DCC: variants seen among roughly 807,000 people sequenced by gnomAD.
The protein encoded by DCC is netrin receptor DCC.
A neutral mutation model predicts 172.5 loss-of-function variants in DCC; 58 were observed. The ratio of observed to expected loss-of-function variants is 0.34; its 90% CI spans 0.27 to 0.42. DCC has a LOEUF of 0.42. Ranked by LOEUF, DCC falls within the 10% of genes least tolerant of loss-of-function variation. The pLI is 1.00. For synonymous variants in DCC, 709 were observed against 644.5 expected (o/e 1.10, Z -1.52); for missense variants, 1,740 against 1,791.0 (o/e 0.97, Z 0.51).
chr18:53,106,462 C>CCTGTTCAG (rs2043249478), intron 7 of DCC, among the ~76,000 whole-genome samples: 2 of 151,950 alleles, frequency 1.3e-5, no homozygotes, highest in African/African-American at 4.8e-5. Context: ...AACTCAAGAA[C>CCTGTTCAG]CTGTTCAGCG....
chr18:52,837,567 C>G (rs569876956), intron 2 of DCC, among the ~76,000 whole-genome samples: 4 of 152,260 alleles, frequency 2.6e-5, no homozygotes, highest in African/African-American at 9.6e-5. Flanking sequence ...TCTGAGATCA[C>G]CTCAGCTTGG....
intron 9 of DCC, 92 bp downstream of exon 9, chr18:53,179,208 C>A: frequency 7.6e-7 from 1 of 1,307,816 alleles, no homozygotes; most frequent in Non-Finnish European, 1.1e-6. Context: ...TGCGAAGTGA[C>A]AAAAGCGAAG....
chr18:52,657,867 A>AT (rs2035283948), intron 1 of DCC, among the ~76,000 whole-genome samples: 1 of 152,184 alleles, frequency 6.6e-6, no homozygotes, highest in South Asian at 2.1e-4. Context: ...AATCCTCTAC[A>AT]TATCACTTAA....
intron 26 of DCC, among the ~76,000 whole-genome samples, chr18:53,496,679 T>TTCTAACCCAATGCAAGGAAGC (rs1056461325): frequency 1.3e-5 from 2 of 152,222 alleles, no homozygotes; most frequent in African/African-American, 4.8e-5. Flanking sequence ...AAGGAGCATG[T>TTCTAACCCAATGCAAGGAAGC]TCTAACCCAA....
intron 1 of DCC, among the ~76,000 whole-genome samples, chr18:52,497,247 T>G (rs1598864786): frequency 1.0e-5 from 1 of 99,730 alleles, no homozygotes; most frequent in East Asian, 2.8e-4. Context: ...GGTAACAGAG[T>G]GAGACCCTGT....
At chr18:53,168,823 C>A (rs1483807229) in intron 8 of DCC, among the ~76,000 whole-genome samples, 1 of 151,774 alleles carries the variant, frequency 6.6e-6, no homozygotes, top group African/African-American at 2.4e-5. Context: ...GATGACTGTG[C>A]AAAGCTTTGG....
rs550366167 is a variant in DCC, at chr18:52,707,501, T to A, written c.92-44553T>A. Among the ~76,000 whole-genome samples the A allele has an allele frequency of 3.1e-3, 477 of 152,294 alleles. 1 individual carries two copies. Among genetic ancestry groups the A allele is most frequent in the Non-Finnish European group, 5.0e-3 (343 of 68,022 alleles). Reference sequence around the variant, plus strand: ...TCATATGATCCAACAATCTCACTACTGTGTATGTATCTTATATATCTAAAA... The same window carrying A: ...TCATATGATCCAACAATCTCACTACAGTGTATGTATCTTATATATCTAAAA... On this transcript the variant is annotated intron_variant, in intron 1 of 28. Coordinates refer to ENST00000442544, the MANE Select transcript of DCC (RefSeq NM_005215.4).
intron 12 of DCC, among the ~76,000 whole-genome samples, chr18:53,278,633 T>G (rs2056833573): frequency 6.6e-6 from 1 of 152,196 alleles, no homozygotes; most frequent in South Asian, 2.1e-4. Flanking sequence ...TTGATGTGAC[T>G]TGATAATTTC....
intron 27 of DCC, among the ~76,000 whole-genome samples, chr18:53,510,483 G>T (rs1598827308): frequency 1.3e-5 from 2 of 152,250 alleles, no homozygotes; most frequent in South Asian, 4.2e-4. Context: ...CATTTATTGG[G>T]TATAAAAATG....
intron 3 of DCC, among the ~76,000 whole-genome samples, chr18:52,917,151 C>CAAAAAAAAAAAA (rs2040054849): frequency 8.5e-6 from 1 of 117,538 alleles, no homozygotes; most frequent in African/African-American, 3.6e-5. Flanking sequence ...AAAAAAAAAA[C>CAAAAAAAAAAAA]AAGAAAAAAA....
At chr18:53,522,827 G>A (rs1479726964) in intron 27 of DCC, among the ~76,000 whole-genome samples, 3 of 152,112 alleles carry the variant, frequency 2.0e-5, no homozygotes, top group African/African-American at 7.2e-5. Flanking sequence ...AGAAAACCTA[G>A]GCAATACCAT....
intron 13 of DCC, among the ~76,000 whole-genome samples, chr18:53,314,664 A>G (rs2057323321): frequency 6.6e-6 from 1 of 152,158 alleles, no homozygotes; most frequent in African/African-American, 2.4e-5. Context: ...AATTTTTTTT[A>G]TACTTAACCT....
chr18:52,777,550 T>A (rs1018094908), intron 2 of DCC, among the ~76,000 whole-genome samples: 1 of 152,182 alleles, frequency 6.6e-6, no homozygotes, highest in Non-Finnish European at 1.5e-5. Context: ...ACAAAAATCC[T>A]TTAAAAGAAA....
At chr18:52,381,637 T>G (rs1234836499) in intron 1 of DCC, among the ~76,000 whole-genome samples, 2 of 152,086 alleles carry the variant, frequency 1.3e-5, no homozygotes, top group African/African-American at 4.8e-5. Context: ...CTGAGGGGGC[T>G]CCAGACCTGG....
intron 1 of DCC, among the ~76,000 whole-genome samples, chr18:52,495,384 T>C (rs146322774): frequency 6.6e-6 from 1 of 152,126 alleles, no homozygotes; most frequent in African/African-American, 2.4e-5. Context: ...CAAGTGAAGG[T>C]TGGATTCTTA....
intron 2 of DCC, among the ~76,000 whole-genome samples, chr18:52,899,343 CTTTTTTTTTTT>C (rs57712241): frequency 9.1e-5 from 5 of 55,194 alleles, no homozygotes; most frequent in East Asian, 5.3e-4. Flanking sequence ...TCTTTCTTTC[CTTTTTTTTTTT>C]TTTTTTTTTT....
At chr18:52,994,261 T>G (rs1296507941) in intron 5 of DCC, among the ~76,000 whole-genome samples, 2 of 152,194 alleles carry the variant, frequency 1.3e-5, no homozygotes, top group Admixed American at 1.3e-4. Flanking sequence ...TGAGAGTGAA[T>G]TAAGTAACAG....
At chr18:52,629,287 A>G (rs2034631750) in intron 1 of DCC, among the ~76,000 whole-genome samples, 1 of 152,104 alleles carries the variant, frequency 6.6e-6, no homozygotes, top group South Asian at 2.1e-4. Context: ...AAAGACAAAA[A>G]CTTCTACCCA....
chr18:53,039,820 G>C (rs7505807), intron 5 of DCC, among the ~76,000 whole-genome samples: 96,386 of 151,832 alleles, frequency 0.63, 31,496 homozygotes, highest in African/African-American at 0.74. Context: ...TTTTAATGTA[G>C]TTGTTCCTCT....
Sources: allele counts gnomAD v4.1 joint callset (sites outside exome capture counted in the v4.1 genomes callset), GRCh38; gene constraint gnomAD v4.1.1; transcripts MANE v1.5; gene names NCBI Gene and HGNC (gene_info 2026-07-23, HGNC 2026-07-21).